The following MRTFB variants were observed in gnomAD, a reference collection of about 807,000 sequenced individuals.
MRTFB encodes myocardin related transcription factor B, also known as myocardin-related transcription factor B.
A neutral mutation model predicts 104.2 loss-of-function variants in MRTFB; 29 were observed. The observed-to-expected ratio is 0.28, with a 90% CI of 0.21 to 0.38. MRTFB has a LOEUF of 0.38. Among genes scored for constraint, MRTFB ranks in the 10% least tolerant of loss-of-function variants. The pLI is 1.00. For synonymous variants in MRTFB, 535 were observed against 519.5 expected (o/e 1.03, Z -0.41); for missense variants, 1,270 against 1,341.6 (o/e 0.95, Z 0.83).
chr16:14,085,854 T>G (rs2141915308), intron 2 of MRTFB, among the ~76,000 whole-genome samples: 1 of 152,362 alleles, frequency 6.6e-6, no homozygotes, highest in East Asian at 1.9e-4. Flanking sequence ...TGTGTGACAT[T>G]TTGTTTGAAA....
intron 2 of MRTFB, among the ~76,000 whole-genome samples, chr16:14,083,658 G>A (rs1054505367): frequency 6.6e-6 from 1 of 152,168 alleles, no homozygotes; most frequent in Non-Finnish European, 1.5e-5. Context: ...GGTGACGCGG[G>A]TAATGTAAAA....
At chr16:14,221,222 C>T (rs1239328798) in intron 8 of MRTFB, among the ~76,000 whole-genome samples, 1 of 152,014 alleles carries the variant, frequency 6.6e-6, no homozygotes, top group Non-Finnish European at 1.5e-5. Flanking sequence ...TTTGTTTTGG[C>T]AAATTTTATA....
chr16:14,202,131 AAAG>A (rs878921745), intron 3 of MRTFB, among the ~76,000 whole-genome samples: 9 of 151,998 alleles, frequency 5.9e-5, no homozygotes, highest in African/African-American at 1.7e-4. Flanking sequence ...AAAAAAAAAA[AAAG>A]AGCTAGATTC....
intron 8 of MRTFB, among the ~76,000 whole-genome samples, chr16:14,225,982 A>G (rs1597306657): frequency 6.6e-6 from 1 of 152,144 alleles, no homozygotes; most frequent in East Asian, 1.9e-4. Context: ...ACCAGTCATC[A>G]TGGTAGTTTT....
chr16:13,996,575 T>C, the MRTFB span, among the ~76,000 whole-genome samples: 1 of 152,340 alleles, frequency 6.6e-6, no homozygotes, highest in African/African-American at 2.4e-5. Context: ...AATACAGCAG[T>C]GAGCAAAAGA....
At chr16:14,198,242 G>A (rs2040525747) in intron 3 of MRTFB, among the ~76,000 whole-genome samples, 1 of 152,140 alleles carries the variant, frequency 6.6e-6, no homozygotes, top group African/African-American at 2.4e-5. Context: ...GATGACATTT[G>A]GGCAGTTTCT....
At chr16:14,076,998 T>G (rs2034102942) in intron 1 of MRTFB, among the ~76,000 whole-genome samples, 1 of 152,232 alleles carries the variant, frequency 6.6e-6, no homozygotes, top group Non-Finnish European at 1.5e-5. Context: ...CTTACTAATT[T>G]CTATAAGTGT....
At chr16:14,143,388 T>A (rs1053211520) in intron 3 of MRTFB, 2 of 152,122 alleles carry the variant, frequency 1.3e-5, no homozygotes, top group African/African-American at 4.8e-5. Context: ...ATTATTTAGC[T>A]TATGAGAAGA....
At chr16:14,254,691 A>G (rs1486467401) in intron 15 of MRTFB, among the ~76,000 whole-genome samples, 1 of 152,274 alleles carries the variant, frequency 6.6e-6, no homozygotes, top group East Asian at 1.9e-4. Flanking sequence ...CCAAGTTAAT[A>G]GCTTGCTAAA....
chr16:14,245,539 A>G lies in MRTFB; in HGVS notation c.1091A>G (p.Asp364Gly), dbSNP rs201862537. The part of the protein sequence containing the change: ...ILPAPFKPLN[D>G]KNSNSGNSAL... ...GTTTTCTTTTGAAGGCCACTCAATG[A>G]CAAAAATAGTAACAGTGGGAATTCA... The change falls in exon 11 of 17, where the codon GAC becomes GGC. Residue 364 changes from aspartate (D) to glycine (G), a missense_variant. Physicochemically the swap from Asp to Gly is moderately conservative, Grantham distance 94. Transcript: ENST00000571589. 37 of 1,610,554 alleles carry G rather than the reference A, an allele frequency of 2.3e-5. No homozygotes were observed. The East Asian group carries it at 7.6e-4, about 33-fold the overall frequency.
intron 2 of MRTFB, among the ~76,000 whole-genome samples, chr16:14,116,798 A>G (rs917483579): frequency 6.6e-6 from 1 of 152,136 alleles, no homozygotes. Context: ...GACATTGTCA[A>G]ACATCCTCAG....
intron 1 of MRTFB, among the ~76,000 whole-genome samples, chr16:14,076,479 GCTA>G (rs1434944110): frequency 1.3e-5 from 2 of 152,198 alleles, no homozygotes; most frequent in Non-Finnish European, 2.9e-5. Context: ...ACAGGCATGA[GCTA>G]CTGCACCTGG....
At chr16:14,057,281 G>T in the MRTFB span, among the ~76,000 whole-genome samples, 1 of 152,170 alleles carries the variant, frequency 6.6e-6, no homozygotes, top group East Asian at 1.9e-4. Context: ...AAAAAATTGT[G>T]TGTGTGCCTG....
chr16:14,250,476 C>T (rs552857563), intron 13 of MRTFB, among the ~76,000 whole-genome samples: 1 of 152,302 alleles, frequency 6.6e-6, no homozygotes, highest in Non-Finnish European at 1.5e-5. Context: ...AAGTTCTCAC[C>T]TTTGCCTGTT....
chr16:14,150,655 G>A (rs946052523), intron 3 of MRTFB, among the ~76,000 whole-genome samples: 4 of 152,060 alleles, frequency 2.6e-5, no homozygotes, highest in African/African-American at 9.7e-5. Flanking sequence ...ACAATATATA[G>A]CAAGACCTCA....
At chr16:14,083,813 C>T (rs561464242) in intron 2 of MRTFB, among the ~76,000 whole-genome samples, 1 of 152,228 alleles carries the variant, frequency 6.6e-6, no homozygotes, top group South Asian at 2.1e-4. Flanking sequence ...TGCCCTGGGA[C>T]GAGTACTGGA....
intron 15 of MRTFB, among the ~76,000 whole-genome samples, chr16:14,255,530 G>A (rs1029630596): frequency 6.6e-6 from 1 of 152,206 alleles, no homozygotes; most frequent in Non-Finnish European, 1.5e-5. Flanking sequence ...CTATTATCAT[G>A]TTAAAATATC....
At chr16:14,255,245 A>T (rs1017030740) in intron 15 of MRTFB, among the ~76,000 whole-genome samples, 1 of 152,258 alleles carries the variant, frequency 6.6e-6, no homozygotes, top group African/African-American at 2.4e-5. Flanking sequence ...ATTTGAAGAA[A>T]CAATGGCTGA....
chr16:14,018,447 T>C, the MRTFB span, among the ~76,000 whole-genome samples: 1 of 152,272 alleles, frequency 6.6e-6, no homozygotes, highest in South Asian at 2.1e-4. Flanking sequence ...TTATTTTCAC[T>C]GAGCTCATTA....
Sources: allele counts gnomAD v4.1 joint callset (sites outside exome capture counted in the v4.1 genomes callset), GRCh38; gene constraint gnomAD v4.1.1; transcripts MANE v1.5; gene names NCBI Gene and HGNC (gene_info 2026-07-23, HGNC 2026-07-21).